Variants in NFATC2 observed in about 807,000 individuals in gnomAD.
The protein encoded by NFATC2 is nuclear factor of activated T cells 2.
A neutral mutation model predicts 87.3 loss-of-function variants in NFATC2; 22 were observed. The observed-to-expected ratio is 0.25, with a 90% confidence interval of 0.18 to 0.36. The LOEUF (loss-of-function observed/expected upper bound fraction) is 0.36, where lower values mean the gene tolerates loss of function less well. Ranked by LOEUF, NFATC2 falls within the 10% of genes least tolerant of loss-of-function variation. The pLI, the probability that NFATC2 is intolerant of heterozygous loss-of-function variation, is 1.00. For synonymous variants in NFATC2, 565 were observed against 542.2 expected, an observed-to-expected ratio of 1.04 and a Z score of -0.58; for missense variants, 1,149 against 1,259.1, an observed-to-expected ratio of 0.91 and a Z score of 1.32.
chr20:51,499,534 C>T (rs1240101221), intron 3 of NFATC2, among the ~76,000 whole-genome samples: 2 of 152,098 alleles, frequency 1.3e-5, no homozygotes, highest in East Asian at 3.9e-4. Flanking sequence ...GGGTGGATCA[C>T]TTGAGGCCAG....
intron 4 of NFATC2, among the ~76,000 whole-genome samples, chr20:51,474,508 G>A (rs1039142353): frequency 3.3e-5 from 5 of 152,164 alleles, no homozygotes; most frequent in African/African-American, 9.7e-5. Context: ...CTGTGATTGT[G>A]TATGAGAGCA....
Position 51,403,494 on chromosome 20 carries a change from C to T in NFATC2, c.2723-4764G>A, listed in dbSNP as rs1041021644. ...CCCTTGATCAAACCTTTCACCTATACAGTCCCTGCTACACACTAAGTTATG... is the reference window on the plus strand; with the variant it reads ...CCCTTGATCAAACCTTTCACCTATATAGTCCCTGCTACACACTAAGTTATG... On this transcript the variant is annotated intron_variant, in intron 9 of 10. Coordinates refer to ENST00000371564, the MANE Select transcript of NFATC2 (RefSeq NM_012340.5). Among the ~76,000 whole-genome samples, 68 of 152,328 alleles carry T rather than the reference C, an allele frequency of 4.5e-4. 2 individuals are homozygous for T. The highest frequency in any genetic ancestry group is 4.3e-3 in the Admixed American group (66 of 15,306).
intron 3 of NFATC2, among the ~76,000 whole-genome samples, chr20:51,508,644 C>T (rs1244149464): frequency 6.6e-6 from 1 of 152,028 alleles, no homozygotes; most frequent in African/African-American, 2.4e-5. Flanking sequence ...CATCAAGTCA[C>T]CTCTAAAAGA....
chr20:51,395,682 G>T (rs976407679), intron 10 of NFATC2, among the ~76,000 whole-genome samples: 3 of 109,000 alleles, frequency 2.8e-5, no homozygotes, highest in African/African-American at 1.5e-4. Flanking sequence ...AAAGTGAACC[G>T]ATCTTATGTA....
At chr20:51,451,500 C>T (rs539094448) in intron 6 of NFATC2, among the ~76,000 whole-genome samples, 13 of 152,316 alleles carry the variant, frequency 8.5e-5, no homozygotes, top group East Asian at 1.9e-4. Flanking sequence ...CCCAGGACAG[C>T]GCCCCTGCCA....
At chr20:51,464,556 G>T (rs57346724) in intron 5 of NFATC2, among the ~76,000 whole-genome samples, 2 of 152,060 alleles carry the variant, frequency 1.3e-5, no homozygotes, top group African/African-American at 4.8e-5. Flanking sequence ...ACTTGCCTTC[G>T]AGAGCAGAGG....
intron 6 of NFATC2, among the ~76,000 whole-genome samples, chr20:51,443,187 C>T (rs1984607793): frequency 6.6e-6 from 1 of 152,138 alleles, no homozygotes; most frequent in African/African-American, 2.4e-5. Context: ...CATCCTACAC[C>T]ATCCCCTTAT....
At chr20:51,439,220 T>A (rs1279804271) in intron 6 of NFATC2, among the ~76,000 whole-genome samples, 1 of 152,134 alleles carries the variant, frequency 6.6e-6, no homozygotes, top group Non-Finnish European at 1.5e-5. Flanking sequence ...TTATGAGCGC[T>A]CACTACATGC....
intron 9 of NFATC2, among the ~76,000 whole-genome samples, chr20:51,400,193 A>ATG (rs1164936089): frequency 1.3e-5 from 2 of 151,948 alleles, no homozygotes; most frequent in Admixed American, 1.3e-4. Context: ...GTTGGAACTG[A>ATG]TGTTAGAGCA....
At chr20:51,434,504 AG>A (rs1983264796) in intron 8 of NFATC2, among the ~76,000 whole-genome samples, 1 of 152,174 alleles carries the variant, frequency 6.6e-6, no homozygotes, top group African/African-American at 2.4e-5. Context: ...CCTTTTCTAC[AG>A]CCCCAATCGT....
intron 9 of NFATC2, among the ~76,000 whole-genome samples, chr20:51,405,404 T>C (rs1028530506): frequency 6.9e-6 from 1 of 145,662 alleles, no homozygotes; most frequent in African/African-American, 2.5e-5. Context: ...CAGGGAACTG[T>C]GGGTGTGCAG....
intron 5 of NFATC2, among the ~76,000 whole-genome samples, chr20:51,458,352 G>A (rs1192157112): frequency 2.0e-5 from 3 of 152,130 alleles, no homozygotes; most frequent in Non-Finnish European, 2.9e-5. Context: ...CTACCCCCCA[G>A]CTGTGACAAC....
rs1985846506 is a variant in NFATC2 at position 51,387,115 on chromosome 20, T to C, written c.*4381A>G. 6.6e-6 allele frequency: 1 copy of C among 152,250 alleles called. No individual in the cohort carries two copies. Among genetic ancestry groups the C allele is most frequent in the Non-Finnish European group, 1.5e-5 (1 of 68,052 alleles). The allele number at this position is 152,250 out of a possible 1,614,324, so 9.4% of individuals were successfully genotyped here. On this transcript the variant is annotated 3_prime_UTR_variant, in exon 11 of 11. Transcript: ENST00000371564. Reference sequence around the variant, plus strand: ...AACGCCTTTAACAGTCAGGATTTTCTAAACCTAAGCCTGCCAGCACCACCA... The same window carrying C: ...AACGCCTTTAACAGTCAGGATTTTCCAAACCTAAGCCTGCCAGCACCACCA...
intron 6 of NFATC2, among the ~76,000 whole-genome samples, chr20:51,451,968 A>T (rs2146416939): frequency 6.6e-6 from 1 of 152,306 alleles, no homozygotes; most frequent in Middle Eastern, 3.4e-3. Flanking sequence ...CAATAAATGT[A>T]ATGTGCTTGA....
intron 6 of NFATC2, among the ~76,000 whole-genome samples, chr20:51,445,784 T>C (rs1984980985): frequency 6.6e-6 from 1 of 152,144 alleles, no homozygotes; most frequent in African/African-American, 2.4e-5. Flanking sequence ...GCACTGCACA[T>C]AGTAGGTGCT....
At chr20:51,479,488 G>C (rs8114029) in intron 3 of NFATC2, among the ~76,000 whole-genome samples, 1 of 152,054 alleles carries the variant, frequency 6.6e-6, no homozygotes, top group African/African-American at 2.4e-5. Flanking sequence ...GCATAGTGTC[G>C]CACGTCCGTA....
In NFATC2 at chr20:51,406,665, T is replaced by C. The variant is rs369118896; in HGVS notation, c.2723-7935A>G. Among the ~76,000 whole-genome samples, 6 of 152,172 alleles carry C rather than the reference T, an allele frequency of 3.9e-5. No individual in the cohort carries two copies. In the East Asian group the frequency reaches 9.7e-4, roughly 24 times the overall value. On this transcript the variant is annotated intron_variant, in intron 9 of 10. Coordinates refer to ENST00000371564, the MANE Select transcript of NFATC2 (RefSeq NM_012340.5). ...CACAAACCCACCAGCAACCGGGGTT[T>C]CTAGACCTCACAGAGCCCAGGCCTT...
At chr20:51,405,535 G>A (rs1273855193) in intron 9 of NFATC2, among the ~76,000 whole-genome samples, 1 of 152,216 alleles carries the variant, frequency 6.6e-6, no homozygotes, top group Admixed American at 6.5e-5. Context: ...CCTTTCAGCT[G>A]TGCATGGCTC....
chr20:51,426,631 C>A (rs1981873600), intron 9 of NFATC2, among the ~76,000 whole-genome samples: 1 of 152,164 alleles, frequency 6.6e-6, no homozygotes, highest in South Asian at 2.1e-4. Flanking sequence ...CACAAGGCAG[C>A]AAGTAACTTG....
Sources: allele counts gnomAD v4.1 joint callset (sites outside exome capture counted in the v4.1 genomes callset), GRCh38; gene constraint gnomAD v4.1.1; transcripts MANE v1.5; gene names NCBI Gene and HGNC (gene_info 2026-07-23, HGNC 2026-07-21).